BTBD9: variants seen among roughly 807,000 people sequenced by gnomAD.
The protein encoded by BTBD9 is BTB/POZ domain-containing protein 9.
BTBD9 carries 49 observed loss-of-function variants against 64.3 expected under a neutral mutation model. The ratio of observed to expected loss-of-function variants is 0.76; its 90% CI spans 0.61 to 0.97. BTBD9 has a LOEUF of 0.97. Ranked by LOEUF, BTBD9 falls within the 50% of genes least tolerant of loss-of-function variation. BTBD9 has a pLI of 0.00. For synonymous variants in BTBD9, 260 were observed against 274.7 expected, an observed-to-expected ratio of 0.95 and a Z score of 0.53; for missense variants, 598 against 762.1, an observed-to-expected ratio of 0.78 and a Z score of 2.53.
At chr6:38,320,785 A>AT in intron 7 of BTBD9, among the ~76,000 whole-genome samples, 1 of 152,298 alleles carries the variant, frequency 6.6e-6, no homozygotes, top group African/African-American at 2.4e-5. Flanking sequence ...AGAAAGCCAG[A>AT]TTTTTCCCCA....
At chr6:38,471,332 G>A (rs1455514143) in intron 6 of BTBD9, among the ~76,000 whole-genome samples, 1 of 152,156 alleles carries the variant, frequency 6.6e-6, no homozygotes, top group Non-Finnish European at 1.5e-5. Context: ...CGGCAGTGAT[G>A]CTTCCATCAA....
At chr6:38,381,726 C>T (rs1765940972) in intron 6 of BTBD9, among the ~76,000 whole-genome samples, 3 of 152,126 alleles carry the variant, frequency 2.0e-5, no homozygotes. Context: ...CAGTATCACA[C>T]AGATCACTTT....
intron 1 of BTBD9, among the ~76,000 whole-genome samples, chr6:38,623,420 A>G (rs923151770): frequency 2.0e-5 from 3 of 152,094 alleles, no homozygotes; most frequent in Non-Finnish European, 4.4e-5. Context: ...CACACTCTCA[A>G]AGGATTTTTC....
chr6:38,350,917 T>C (rs1157297346), intron 6 of BTBD9, among the ~76,000 whole-genome samples: 1 of 152,240 alleles, frequency 6.6e-6, no homozygotes, highest in Non-Finnish European at 1.5e-5. Flanking sequence ...AATAATTCTC[T>C]AACCCAAGAA....
intron 7 of BTBD9, among the ~76,000 whole-genome samples, chr6:38,339,514 A>G (rs1764023367): frequency 6.6e-6 from 1 of 152,174 alleles, no homozygotes; most frequent in Non-Finnish European, 1.5e-5. Flanking sequence ...ACAGTAAGGT[A>G]AAAAATATAT....
intron 7 of BTBD9, among the ~76,000 whole-genome samples, chr6:38,316,345 T>G (rs779612250): frequency 5.3e-5 from 8 of 152,204 alleles, no homozygotes; most frequent in Non-Finnish European, 1.0e-4. Context: ...TGCCATTTTA[T>G]TATTTGTTTC....
At chr6:38,374,303 A>G (rs1336468265) in intron 6 of BTBD9, among the ~76,000 whole-genome samples, 2 of 91,166 alleles carry the variant, frequency 2.2e-5, no homozygotes, top group African/African-American at 5.3e-5. Flanking sequence ...ATATGTATAT[A>G]TATGTATATA....
intron 7 of BTBD9, among the ~76,000 whole-genome samples, chr6:38,323,299 C>T (rs1175905355): frequency 2.0e-5 from 3 of 152,324 alleles, no homozygotes; most frequent in Admixed American, 2.0e-4. Flanking sequence ...TTTTGCCAAA[C>T]CTACCCTTTC....
intron 5 of BTBD9, among the ~76,000 whole-genome samples, chr6:38,578,970 G>A (rs1776174533): frequency 1.3e-5 from 2 of 152,052 alleles, no homozygotes; most frequent in African/African-American, 2.4e-5. Context: ...TTTTAGAACA[G>A]TGTCTACCAC....
At chr6:38,314,496 C>T (rs1428395956) in intron 7 of BTBD9, among the ~76,000 whole-genome samples, 1 of 152,166 alleles carries the variant, frequency 6.6e-6, no homozygotes, top group Non-Finnish European at 1.5e-5. Context: ...GAAGTATTCT[C>T]TCCACCTTTA....
rs777043309 is a variant in BTBD9 at position 38,577,672 on chromosome 6, A to G, written c.1082T>C (p.Val361Ala). The G allele has an allele frequency of 6.2e-7, 1 of 1,610,528 alleles. No individual in the cohort carries two copies. Among genetic ancestry groups the G allele is most frequent in the African/African-American group, 1.3e-5 (1 of 74,886 alleles). ...ATATTGTGAATGATCTATCACTCTGACCCAATCAAGTTCATCCATTGACAC... is the reference window on the plus strand; with the variant it reads ...ATATTGTGAATGATCTATCACTCTGGCCCAATCAAGTTCATCCATTGACAC... ...IEVSMDELDW[V>A]RVIDHSQYLC... The change falls in exon 6 of 11, where the codon GTC (valine) becomes GCC (alanine). Residue 361 changes from valine (V) to alanine (A), a missense_variant. Coordinates refer to ENST00000481247, the MANE Select transcript of BTBD9 (RefSeq NM_001099272.2).
intron 10 of BTBD9, among the ~76,000 whole-genome samples, chr6:38,190,978 A>G (rs993375393): frequency 7.9e-5 from 12 of 152,146 alleles, no homozygotes; most frequent in Admixed American, 2.0e-4. Flanking sequence ...TTTTGGGGGG[A>G]TGCAGTGTAT....
intron 6 of BTBD9, among the ~76,000 whole-genome samples, chr6:38,530,496 T>C (rs7773783): frequency 0.93 from 133,647 of 143,642 alleles, 62,765 homozygotes; most frequent in East Asian, 1. Context: ...GTGCTGTCAC[T>C]TCTGGTGGCC....
intron 9 of BTBD9, among the ~76,000 whole-genome samples, chr6:38,223,158 C>T (rs1353630640): frequency 6.6e-6 from 1 of 151,982 alleles, no homozygotes; most frequent in Non-Finnish European, 1.5e-5. Context: ...CCACCTGCCT[C>T]GGCTTCCCAA....
chr6:38,575,846 A>T (rs561443105), intron 6 of BTBD9, among the ~76,000 whole-genome samples: 1 of 152,258 alleles, frequency 6.6e-6, no homozygotes, highest in South Asian at 2.1e-4. Context: ...CTTCATGAAT[A>T]CAGCCAGTCT....
At chr6:38,463,463 G>A (rs551415991) in intron 6 of BTBD9, among the ~76,000 whole-genome samples, 1 of 152,358 alleles carries the variant, frequency 6.6e-6, no homozygotes, top group African/African-American at 2.4e-5. Flanking sequence ...CCTGACGTTA[G>A]GAGGAGAGAG....
rs181320555 is a variant in BTBD9 at position 38,256,429 on chromosome 6, G to A, written c.1542C>T (p.Asp514=). Residue 514 remains aspartate, a synonymous_variant, in exon 9 of 11, where the codon GAC becomes GAT. Transcript: ENST00000481247. ...CTTACTTGCAGGAGACTTTAGTTCT[G>A]TCAGCAACCATGGTCCACTGTTGCT... ...TNQQQWTMVA[D]RTKVSCKSWQ... 2.0e-4 allele frequency: 329 copies of A among 1,613,270 alleles called. 2 individuals are homozygous for A. In the South Asian group the frequency reaches 3.0e-3, roughly 15 times the overall value.
At chr6:38,233,680 CAGA>C (rs1355274137) in intron 9 of BTBD9, among the ~76,000 whole-genome samples, 101 of 152,320 alleles carry the variant, frequency 6.6e-4, no homozygotes, top group African/African-American at 1.9e-3. Context: ...TACCAAATGA[CAGA>C]AGAACACAAT....
intron 6 of BTBD9, among the ~76,000 whole-genome samples, chr6:38,449,063 G>T (rs1769405057): frequency 6.6e-6 from 1 of 152,086 alleles, no homozygotes; most frequent in African/African-American, 2.4e-5. Flanking sequence ...GACAAAGAAA[G>T]AACTCAAAAC....
Sources: allele counts gnomAD v4.1 joint callset (sites outside exome capture counted in the v4.1 genomes callset), GRCh38; gene constraint gnomAD v4.1.1; transcripts MANE v1.5; gene names NCBI Gene and HGNC (gene_info 2026-07-23, HGNC 2026-07-21).